ENTPD6: variants seen among roughly 807,000 people sequenced by gnomAD.
ENTPD6 encodes the protein ectonucleoside triphosphate diphosphohydrolase 6, also known as CD39 antigen-like 2.
Under a neutral mutation model 61.5 loss-of-function variants are expected in ENTPD6, and 46 were observed. The ratio of observed to expected loss-of-function variants is 0.75; its 90% CI spans 0.59 to 0.96. The LOEUF (loss-of-function observed/expected upper bound fraction) is 0.96. Among genes scored for constraint, ENTPD6 ranks in the 40% least tolerant of loss-of-function variants. The pLI is 0.00. For missense variants in ENTPD6, 612 were observed against 629.0 expected, an observed-to-expected ratio of 0.97 and a Z score of 0.29; for synonymous variants, 252 against 255.5, an observed-to-expected ratio of 0.99 and a Z score of 0.13.
At chr20:25,219,356 G>A (rs11699316) in intron 10 of ENTPD6, among the ~76,000 whole-genome samples, 17,289 of 152,222 alleles carry the variant, frequency 0.11, 1,471 homozygotes, top group East Asian at 0.44. Flanking sequence ...GGTTCTTGCC[G>A]TCAGGGAAAG....
chr20:25,196,460 A>G (rs1451557804), intron 1 of ENTPD6, among the ~76,000 whole-genome samples: 1 of 152,102 alleles, frequency 6.6e-6, no homozygotes, highest in Non-Finnish European at 1.5e-5. Context: ...CAGCCAGGAG[A>G]GCGTGGAAGA....
Position 25,207,354 on chromosome 20 carries a change from T to G in ENTPD6, c.333T>G (p.Thr111=). Residue 111 remains threonine, a synonymous_variant, in exon 3 of 15, where the codon ACT becomes ACG. Coordinates refer to ENST00000376652, the MANE Select transcript of ENTPD6 (RefSeq NM_001247.5). ...GGATCATGTTTGATGCAGGAAGCAC[T>G]GGCACCCGAGTACACGTCTTCCAGT... is the stretch of plus-strand genomic sequence containing the variant. ...FYGIMFDAGS[T]GTRVHVFQFT... 6.4e-7 allele frequency: 1 copy of G among 1,564,320 alleles called. No individual in the cohort carries two copies. The highest frequency in any genetic ancestry group is 8.7e-7 in the Non-Finnish European group (1 of 1,149,628).
chr20:25,222,892 G>C lies in ENTPD6; in HGVS notation c.1100G>C (p.Arg367Thr). 2 of 1,614,196 alleles carry C rather than the reference G, an allele frequency of 1.2e-6. No individual in the cohort carries two copies. Among genetic ancestry groups the C allele is most frequent in the East Asian group, 2.2e-5 (1 of 44,882 alleles). The change falls in exon 12 of 15, where the codon AGA (arginine) becomes ACA (threonine). Residue 367 changes from arginine to threonine, a missense_variant. Arg to Thr is a moderately conservative substitution (Grantham distance 71). Coordinates refer to ENST00000376652, the MANE Select transcript of ENTPD6 (RefSeq NM_001247.5). ...AGAGTGTCAGAGGTCCTTCAAAACA[G>C]AGTGCACAGGACGGAGGAAGTGAAG... ...AARVSEVLQN[R>T]VHRTEEVKHV...
intron 4 of ENTPD6, among the ~76,000 whole-genome samples, chr20:25,212,559 T>G (rs914856634): frequency 1.3e-5 from 2 of 152,094 alleles, no homozygotes; most frequent in South Asian, 4.1e-4. Context: ...AAAAAAAATA[T>G]TTATAGAAGC....
At chr20:25,195,943 C>G in intron 1 of ENTPD6, 76 bp downstream of exon 1, 1 of 1,146,788 alleles carries the variant, frequency 8.7e-7, no homozygotes, top group Non-Finnish European at 1.1e-6. Context: ...CACGCGGGCG[C>G]GCTGCGCTCC....
At chr20:25,217,653 C>T (rs1357848318) in intron 9 of ENTPD6, 72 bp downstream of exon 9, 7 of 1,297,336 alleles carry the variant, frequency 5.4e-6, no homozygotes, top group South Asian at 1.2e-5. Flanking sequence ...TCGCATGGCC[C>T]TCTTGAGGTC....
rs150971820 is a variant in ENTPD6, at chr20:25,225,290, C to T, written c.1329C>T (p.Phe443=). 3 of 1,613,202 alleles carry T rather than the reference C, an allele frequency of 1.9e-6. No individual in the cohort carries two copies. Among genetic ancestry groups the T allele is most frequent in the Non-Finnish European group, 2.5e-6 (3 of 1,179,930 alleles). ...LTYVSLLLQE[F]GFPRSKVLKL... is the part of the protein sequence containing the mutation. ...ACGTCAGCCTGCTACTCCAGGAGTT[C>T]GGCTTTCCCAGGAGCAAAGTGCTGA... Residue 443 remains phenylalanine, a synonymous_variant, in exon 14 of 15, where the codon TTC becomes TTT. Transcript: ENST00000376652.
intron 3 of ENTPD6, among the ~76,000 whole-genome samples, chr20:25,208,484 A>ATAAT (rs61201752): frequency 0.28 from 41,921 of 151,842 alleles, 6,519 homozygotes; most frequent in East Asian, 0.61. Flanking sequence ...TTAAAAATTA[A>ATAAT]TAATTAAAAA....
chr20:25,200,140 T>C (rs1000718205), intron 1 of ENTPD6, among the ~76,000 whole-genome samples: 2 of 152,246 alleles, frequency 1.3e-5, no homozygotes, highest in African/African-American at 4.8e-5. Flanking sequence ...ATACTTGTTA[T>C]TTTCTGTTTG....
chr20:25,223,529 A>T (rs1676739870), intron 12 of ENTPD6, among the ~76,000 whole-genome samples: 1 of 152,124 alleles, frequency 6.6e-6, no homozygotes, highest in African/African-American at 2.4e-5. Context: ...TGTGGTACGG[A>T]TAAGAACACT....
At chr20:25,221,115 A>G in intron 10 of ENTPD6, 117 bp from the exon 11 acceptor site, 1 of 718,388 alleles carries the variant, frequency 1.4e-6, no homozygotes, top group Non-Finnish European at 2.3e-6. Context: ...TGGACCTGGA[A>G]GCCACTCAGC....
intron 11 of ENTPD6, chr20:25,222,594 C>T (rs889834572): frequency 4.3e-6 from 2 of 460,130 alleles, no homozygotes; most frequent in African/African-American, 2.0e-5. Context: ...CCAGGTCTGC[C>T]GCTGCCTTCG....
intron 1 of ENTPD6, among the ~76,000 whole-genome samples, chr20:25,204,793 A>G (rs761555727): frequency 2.6e-5 from 4 of 152,224 alleles, no homozygotes; most frequent in Non-Finnish European, 5.9e-5. Flanking sequence ...AGGTGGTGCC[A>G]TGCTGGGGAG....
At chr20:25,211,029 T>G (rs1397941418) in intron 4 of ENTPD6, among the ~76,000 whole-genome samples, 1 of 152,254 alleles carries the variant, frequency 6.6e-6, no homozygotes, top group Non-Finnish European at 1.5e-5. Context: ...TTATGTAAGT[T>G]TGTAGCATTG....
At chr20:25,210,509 G>A (rs1215235860) in intron 4 of ENTPD6, among the ~76,000 whole-genome samples, 3 of 152,296 alleles carry the variant, frequency 2.0e-5, no homozygotes, top group African/African-American at 7.2e-5. Flanking sequence ...GCTAGGCATG[G>A]TGGTACACAC....
rs2091410708 is a variant in ENTPD6, at chr20:25,205,521, G to A, written c.-15-1001G>A. On this transcript the variant is annotated intron_variant, in intron 1 of 14. Transcript: ENST00000376652. ...GAAGCCACAGGGGCCAGCAGGGACA[G>A]GGGCCGGCAGGGACAGGCCCAGGCA... Among the ~76,000 whole-genome samples, 4 of 152,196 alleles carry A rather than the reference G, an allele frequency of 2.6e-5. No individual in the cohort carries two copies. In the South Asian group the frequency reaches 8.3e-4, roughly 32 times the overall value.
At position 25,223,476 on chromosome 20, in the gene ENTPD6, T is replaced by C. The variant is rs1600684278; in HGVS notation, c.1186+498T>C. On this transcript the variant is annotated intron_variant, in intron 12 of 14. Coordinates refer to ENST00000376652, the MANE Select transcript of ENTPD6 (RefSeq NM_001247.5). ...GGCTGTGTGGGAACTCTGGAGGGGG[T>C]TGCAGAGTCACTATCATGGTGAGAT... Among the ~76,000 whole-genome samples the C allele has an allele frequency of 3.3e-5, 5 of 152,064 alleles. No homozygotes were observed. In the South Asian group the frequency reaches 1.0e-3, roughly 32 times the overall value.
In ENTPD6 at chr20:25,225,635, G is replaced by A; in HGVS notation, c.*38G>A. On this transcript the variant is annotated 3_prime_UTR_variant, in exon 15 of 15. Coordinates refer to ENST00000376652, the MANE Select transcript of ENTPD6 (RefSeq NM_001247.5). ...CCCTGTCCCCGTCAGCAGTGTCTGTGTGTCTGCATAAACCCTCCTGTCCTG... is the reference window on the plus strand; with the variant it reads ...CCCTGTCCCCGTCAGCAGTGTCTGTATGTCTGCATAAACCCTCCTGTCCTG... The A allele has an allele frequency of 6.4e-7, 1 of 1,554,276 alleles. No individual in the cohort carries two copies. The highest frequency in any genetic ancestry group is 8.9e-7 in the Non-Finnish European group (1 of 1,128,824).
In ENTPD6 at chr20:25,224,174, G is replaced by C. The variant is rs2092726469; in HGVS notation, c.1243+17G>C. ...CCAAGTACGGTGAGTGATGCTGCAG[G>C]GGCCATCTCAGCAGGGGCAGGCGCC... On this transcript the variant is annotated intron_variant, in intron 13 of 14. Transcript: ENST00000376652. The C allele has an allele frequency of 4.3e-6, 7 of 1,609,210 alleles. No homozygotes were observed. Among genetic ancestry groups the C allele is most frequent in the Non-Finnish European group, 5.9e-6 (7 of 1,177,498 alleles).
Sources: allele counts gnomAD v4.1 joint callset (sites outside exome capture counted in the v4.1 genomes callset), GRCh38; gene constraint gnomAD v4.1.1; transcripts MANE v1.5; gene names NCBI Gene and HGNC (gene_info 2026-07-23, HGNC 2026-07-21).